AHI1: variants seen among roughly 807,000 people sequenced by gnomAD.
AHI1 encodes the protein Abelson helper integration site 1, also known as jouberin.
In AHI1, 123 loss-of-function variants were observed where a neutral mutation model predicts 149.3. The observed-to-expected ratio is 0.82, with a 90% CI of 0.71 to 0.96. The LOEUF is 0.96. Ranked by LOEUF, AHI1 falls within the 40% of genes least tolerant of loss-of-function variation. AHI1 has a pLI of 0.00. For synonymous variants in AHI1, 475 were observed against 459.8 expected, an observed-to-expected ratio of 1.03 and a Z score of -0.42; for missense variants, 1,439 against 1,422.7, an observed-to-expected ratio of 1.01 and a Z score of -0.18.
At chr6:135,296,048 T>A (rs1266448888) in intron 27 of AHI1, among the ~76,000 whole-genome samples, 1 of 152,078 alleles carries the variant, frequency 6.6e-6, no homozygotes, top group Non-Finnish European at 1.5e-5. Flanking sequence ...AGAGACAAAG[T>A]TTCACCATGT....
chr6:135,421,666 A>T (rs530898034), intron 20 of AHI1, among the ~76,000 whole-genome samples: 61 of 151,904 alleles, frequency 4.0e-4, no homozygotes, highest in Middle Eastern at 3.4e-3. Context: ...TGTAAACATT[A>T]AAAAAAATGT....
In AHI1 at chr6:135,317,293, T is replaced by C. The variant is rs549110825; in HGVS notation, c.3426+1226A>G. ...TCAGGAGTATAAAATTTAAGTGTTTTAGTAGAGTATGCTACGCTCTTCTGT... is the reference window on the plus strand; with the variant it reads ...TCAGGAGTATAAAATTTAAGTGTTTCAGTAGAGTATGCTACGCTCTTCTGT... On this transcript the variant is annotated intron_variant, in intron 26 of 28. Transcript: ENST00000265602. 1.5e-3 allele frequency among the ~76,000 whole-genome samples: 231 copies of C among 151,834 alleles called. 1 individual carries two copies. The highest frequency in any genetic ancestry group is 2.5e-3 in the Non-Finnish European group (171 of 67,990).
At chr6:135,435,475 T>C (rs1310511138) in intron 15 of AHI1, among the ~76,000 whole-genome samples, 1 of 152,056 alleles carries the variant, frequency 6.6e-6, no homozygotes, top group African/African-American at 2.4e-5. Context: ...GTCATTTAAG[T>C]ATAGGAAAAG....
At chr6:135,425,640 G>A (rs534034714) in intron 20 of AHI1, among the ~76,000 whole-genome samples, 9 of 151,882 alleles carry the variant, frequency 5.9e-5, no homozygotes, top group African/African-American at 2.2e-4. Context: ...TCATAGATAA[G>A]AAAATGGAGC....
intron 18 of AHI1, 113 bp from the exon 19 acceptor site, chr6:135,428,872 A>G: frequency 1.1e-6 from 1 of 937,060 alleles, no homozygotes; most frequent in Non-Finnish European, 1.5e-6. Context: ...ATTTTTTGAG[A>G]ATCTGCCATA....
intron 23 of AHI1, among the ~76,000 whole-genome samples, chr6:135,390,087 GTCT>G (rs2128479037): frequency 6.6e-6 from 1 of 152,098 alleles, no homozygotes; most frequent in African/African-American, 2.4e-5. Flanking sequence ...CCCAAGACAA[GTCT>G]TCTTCCAATG....
chr6:135,333,065 G>A (rs143699927), intron 24 of AHI1, among the ~76,000 whole-genome samples: 2 of 152,188 alleles, frequency 1.3e-5, no homozygotes, highest in African/African-American at 2.4e-5. Context: ...CTTTTCTTAC[G>A]AAGTTTTGCT....
rs1249895131 is a variant in AHI1 at position 135,438,479 on chromosome 6, T to C, written c.1932A>G (p.Gly644=). Residue 644 remains glycine, a synonymous_variant, in exon 15 of 29, where the codon GGA becomes GGG. Transcript: ENST00000265602. ...GGCCACACAATTCTCTCATGAAACG[T>C]CCAGAAGGAATTTCATATACTAATG... ...YPIILYEIPS[G]RFMRELCGHL... 7 of 1,547,394 alleles carry C rather than the reference T, an allele frequency of 4.5e-6. No individual in the cohort carries two copies. The highest frequency in any genetic ancestry group is 1.4e-5 in the African/African-American group (1 of 73,114).
chr6:135,350,752 C>T (rs1489425078), intron 24 of AHI1, among the ~76,000 whole-genome samples: 2 of 152,014 alleles, frequency 1.3e-5, no homozygotes, highest in South Asian at 2.1e-4. Flanking sequence ...ATCAAATGTT[C>T]GAAGGTCTTT....
chr6:135,450,309 T>C (rs371864638), intron 11 of AHI1, among the ~76,000 whole-genome samples: 8 of 152,236 alleles, frequency 5.3e-5, no homozygotes, highest in African/African-American at 1.9e-4. Context: ...CAGAAATCAC[T>C]AGTGATTTGG....
chr6:135,483,954 G>A (rs111857024), intron 5 of AHI1, among the ~76,000 whole-genome samples: 1,833 of 152,248 alleles, frequency 0.012, 44 homozygotes, highest in African/African-American at 0.042. Flanking sequence ...TTTTCACACC[G>A]CTGATAAAGA....
At chr6:135,485,730 C>T (rs940746599) in intron 5 of AHI1, among the ~76,000 whole-genome samples, 2 of 152,074 alleles carry the variant, frequency 1.3e-5, no homozygotes, top group African/African-American at 4.8e-5. Context: ...ATTTTGTTCA[C>T]ACAGGTTGAT....
chr6:135,427,641 GAA>G (rs1379757299), intron 19 of AHI1, among the ~76,000 whole-genome samples: 1 of 151,536 alleles, frequency 6.6e-6, no homozygotes, highest in Admixed American at 6.6e-5. Context: ...AAATGACAGA[GAA>G]CTCTGGGTAG....
chr6:135,401,305 A>C (rs1232172085), intron 22 of AHI1, among the ~76,000 whole-genome samples: 1 of 152,150 alleles, frequency 6.6e-6, no homozygotes, highest in Admixed American at 6.6e-5. Flanking sequence ...TTTCCTTTTA[A>C]GATTATGTGT....
intron 20 of AHI1, among the ~76,000 whole-genome samples, chr6:135,420,638 A>G (rs1783015331): frequency 6.6e-6 from 1 of 152,126 alleles, no homozygotes; most frequent in Non-Finnish European, 1.5e-5. Flanking sequence ...TCTTGCAGCT[A>G]CCTCACCTCT....
intron 12 of AHI1, among the ~76,000 whole-genome samples, chr6:135,447,385 TATGACCAC>T (rs1787408663): frequency 6.6e-6 from 1 of 152,116 alleles, no homozygotes; most frequent in African/African-American, 2.4e-5. Flanking sequence ...GAGGAAAAAA[TATGACCAC>T]AAAGGTCACA....
chr6:135,349,676 A>G (rs922131638), intron 24 of AHI1, among the ~76,000 whole-genome samples: 23 of 152,226 alleles, frequency 1.5e-4, no homozygotes, highest in African/African-American at 5.5e-4. Flanking sequence ...AGAATAAATA[A>G]AATGATAAGT....
chr6:135,327,604 T>C (rs1303339880), intron 24 of AHI1, among the ~76,000 whole-genome samples: 2 of 152,192 alleles, frequency 1.3e-5, no homozygotes, highest in African/African-American at 4.8e-5. Context: ...TGTTAGGCCT[T>C]AGGGGCAGGC....
rs1313155396 is a variant in AHI1, at chr6:135,465,209, G to GTTAA, written c.749+601_749+604dup. 4.6e-5 allele frequency among the ~76,000 whole-genome samples: 7 copies of GTTAA among 152,150 alleles called. No individual in the cohort carries two copies. The East Asian group carries it at 1.4e-3, about 29-fold the overall frequency. ...GGGGGGAACAAAGTTAATTATAGCA[G>GTTAA]TTAAAAAGCATTTTTACCTTATTGT... On this transcript the variant is annotated intron_variant, in intron 7 of 28. Coordinates refer to ENST00000265602, the MANE Select transcript of AHI1 (RefSeq NM_001134831.2).
Sources: gnomAD v4.1 joint callset for allele counts (sites outside exome capture counted in the v4.1 genomes callset) on GRCh38, gnomAD v4.1.1 for gene constraint, MANE v1.5 for transcripts, NCBI Gene and HGNC (gene_info 2026-07-23, HGNC 2026-07-21) for gene names.